TASOR: variants seen among roughly 807,000 people sequenced by gnomAD.
TASOR encodes the protein protein TASOR.
In TASOR, 53 loss-of-function variants were observed where a neutral mutation model predicts 178.6. The observed-to-expected ratio is 0.30, with a 90% confidence interval of 0.24 to 0.37. TASOR has a LOEUF of 0.37. TASOR is among the 10% of genes least tolerant of loss of function. TASOR has a pLI of 1.00. For synonymous variants in TASOR, 713 were observed against 696.2 expected, an observed-to-expected ratio of 1.02 and a Z score of -0.38; for missense variants, 1,815 against 1,971.4, an observed-to-expected ratio of 0.92 and a Z score of 1.50.
At chr3:56,654,672 C>T (rs1408551318) in intron 11 of TASOR, among the ~76,000 whole-genome samples, 2 of 152,134 alleles carry the variant, frequency 1.3e-5, no homozygotes, top group African/African-American at 4.8e-5. Context: ...ATCCAATCAG[C>T]TGAAGGCCTA....
At chr3:56,624,237 A>G (rs1264297141) in intron 23 of TASOR, among the ~76,000 whole-genome samples, 1 of 152,246 alleles carries the variant, frequency 6.6e-6, no homozygotes, top group Non-Finnish European at 1.5e-5. Context: ...TGCACTGTCT[A>G]CAATATAGGT....
intron 11 of TASOR, among the ~76,000 whole-genome samples, chr3:56,654,742 C>G (rs145037645): frequency 6.6e-6 from 1 of 152,300 alleles, no homozygotes; most frequent in East Asian, 1.9e-4. Context: ...GTCTGTCTTC[C>G]AAGTTGGGAT....
intron 11 of TASOR, among the ~76,000 whole-genome samples, chr3:56,654,094 C>G (rs957009451): frequency 4.6e-5 from 7 of 152,028 alleles, no homozygotes; most frequent in Admixed American, 2.6e-4. Context: ...TGATGAAACC[C>G]TGTCTCTACT....
chr3:56,661,123 T>C, intron 9 of TASOR, 106 bp from the exon 10 acceptor site: 1 of 664,142 alleles, frequency 1.5e-6, no homozygotes, highest in Non-Finnish European at 2.6e-6. Context: ...GAAGAGCATA[T>C]CTACGAATAT....
intron 9 of TASOR, 98 bp downstream of exon 9, chr3:56,662,287 G>C: frequency 1.4e-6 from 1 of 700,364 alleles, no homozygotes; most frequent in Non-Finnish European, 2.4e-6. Flanking sequence ...AAGTTCTTAT[G>C]AACCAAAATA....
chr3:56,665,077 T>C (rs1381289608), intron 7 of TASOR, among the ~76,000 whole-genome samples: 1 of 152,098 alleles, frequency 6.6e-6, no homozygotes, highest in South Asian at 2.1e-4. Context: ...GAGGATCGCT[T>C]GCACACAGGG....
At chr3:56,661,347 G>A (rs1442986660) in intron 9 of TASOR, among the ~76,000 whole-genome samples, 1 of 152,038 alleles carries the variant, frequency 6.6e-6, no homozygotes, top group Non-Finnish European at 1.5e-5. Context: ...GTAGAGACAA[G>A]GTCTCCTTAC....
chr3:56,653,884 G>A (rs192887704), intron 11 of TASOR, among the ~76,000 whole-genome samples: 93 of 152,176 alleles, frequency 6.1e-4, no homozygotes, highest in Admixed American at 5.3e-3. Context: ...ACATTAAAAC[G>A]TGAAATGCAA....
Position 56,623,428 on chromosome 3 carries a change from T to C in TASOR, c.4622A>G (p.Gln1541Arg). 6.2e-7 allele frequency: 1 copy of C among 1,613,814 alleles called. No homozygotes were observed. The highest frequency in any genetic ancestry group is 1.1e-5 in the South Asian group (1 of 91,078). Residue 1541 changes from glutamine to arginine, a missense_variant, in exon 24 of 24, where the codon CAA (glutamine) becomes CGA (arginine). Gln to Arg is a conservative substitution (Grantham distance 43, BLOSUM62 1). Transcript: ENST00000683822. ...KETKGSRGTDQKKNTQIELQS... is the reference protein window; with the variant it reads ...KETKGSRGTDRKKNTQIELQS... ...CAACTCAATTTGAGTATTCTTTTTT[T>C]GATCTGTTCCACGTGATCCTTTGGT...
intron 1 of TASOR, among the ~76,000 whole-genome samples, chr3:56,676,391 A>T (rs1188872384): frequency 6.6e-6 from 1 of 152,204 alleles, no homozygotes; most frequent in South Asian, 2.1e-4. Context: ...GAAGGCATAT[A>T]TTGTCTTCAT....
At chr3:56,639,529 C>A (rs1178930664) in intron 16 of TASOR, among the ~76,000 whole-genome samples, 1 of 152,114 alleles carries the variant, frequency 6.6e-6, no homozygotes, top group Non-Finnish European at 1.5e-5. Flanking sequence ...TTAAGATAAT[C>A]CAGTATTAAG....
intron 7 of TASOR, among the ~76,000 whole-genome samples, chr3:56,664,661 A>T (rs2077669184): frequency 6.6e-6 from 1 of 152,256 alleles, no homozygotes; most frequent in South Asian, 2.1e-4. Context: ...TAGATATCAT[A>T]CATGACTTCA....
At chr3:56,638,836 C>G in intron 16 of TASOR, 71 bp from the exon 17 acceptor site, 1 of 1,421,894 alleles carries the variant, frequency 7.0e-7, no homozygotes, top group East Asian at 2.3e-5. Flanking sequence ...TTCAGACAAC[C>G]CCAAGTGATA....
intron 11 of TASOR, among the ~76,000 whole-genome samples, chr3:56,650,722 C>T (rs13086565): frequency 4.6e-5 from 7 of 152,248 alleles, no homozygotes; most frequent in Non-Finnish European, 1.0e-4. Flanking sequence ...GGTTAAAAAT[C>T]CTCAGGCCAA....
chr3:56,676,492 C>T (rs187377983), intron 1 of TASOR, among the ~76,000 whole-genome samples: 1 of 152,270 alleles, frequency 6.6e-6, no homozygotes, highest in Non-Finnish European at 1.5e-5. Flanking sequence ...GCAAGGAAAG[C>T]AGCATGTGGA....
intron 7 of TASOR, among the ~76,000 whole-genome samples, chr3:56,665,644 C>T (rs774771173): frequency 2.8e-4 from 43 of 151,992 alleles, no homozygotes; most frequent in Non-Finnish European, 5.6e-4. Flanking sequence ...CAGGCATGAG[C>T]CACTGCGCCT....
In TASOR at chr3:56,683,204, C is replaced by T. The variant is rs1050770953; in HGVS notation, c.-198G>A. The T allele has an allele frequency of 5.6e-6, 3 of 533,334 alleles. No homozygotes were observed. The highest frequency in any genetic ancestry group is 2.0e-5 in the African/African-American group (1 of 50,160). The allele number at this position is 533,334 out of a possible 1,614,324, so 33.0% of individuals were successfully genotyped here. A position where few individuals can be genotyped will look rare whatever the true frequency, so the allele number is the denominator to read the frequency against. On this transcript the variant is annotated 5_prime_UTR_variant, in exon 1 of 24. Transcript: ENST00000683822. ...GGGCACCCCAAATGCGCTGCCCGGT[C>T]CTCGGAGCCGCTCCTCCCTCGGGCA...
At chr3:56,647,457 G>C (rs1244048429) in intron 13 of TASOR, among the ~76,000 whole-genome samples, 1 of 152,068 alleles carries the variant, frequency 6.6e-6, no homozygotes, top group East Asian at 1.9e-4. Flanking sequence ...TGAAAAAGCA[G>C]AACACATTTT....
chr3:56,626,352 T>TA (rs1402437460), intron 21 of TASOR, among the ~76,000 whole-genome samples: 1 of 152,216 alleles, frequency 6.6e-6, no homozygotes, highest in African/African-American at 2.4e-5. Flanking sequence ...AGGTCAAGAT[T>TA]AATCCTTGTC....
Sources: allele counts gnomAD v4.1 joint callset (sites outside exome capture counted in the v4.1 genomes callset), GRCh38; gene constraint gnomAD v4.1.1; transcripts MANE v1.5; gene names NCBI Gene and HGNC (gene_info 2026-07-23, HGNC 2026-07-21).